CCDC124: variants seen among roughly 807,000 people sequenced by gnomAD.
CCDC124 encodes coiled-coil domain-containing protein 124.
Under a neutral mutation model 19.8 loss-of-function variants are expected in CCDC124, and 9 were observed. That is an observed-to-expected ratio of 0.45 (90% CI 0.27 to 0.79). The LOEUF (loss-of-function observed/expected upper bound fraction) is 0.79, where lower values mean the gene tolerates loss of function less well. CCDC124 is among the 30% of genes least tolerant of loss of function. CCDC124 has a pLI of 0.14. For missense variants in CCDC124, 285 were observed against 319.0 expected (o/e 0.89, Z 0.81); for synonymous variants, 126 against 131.3 (o/e 0.96, Z 0.27).
In CCDC124 at chr19:17,943,812, CG is replaced by C; in HGVS notation, c.*102del. Reference sequence around the variant, plus strand: ...CAGCTGCGAGGGTCACAGAGCGTTCCGGGGGCCAAGGCGCCGGGCCCCGGGG... The same window carrying C: ...CAGCTGCGAGGGTCACAGAGCGTTCCGGGGCCAAGGCGCCGGGCCCCGGGG... On this transcript the variant is annotated 3_prime_UTR_variant, in exon 5 of 5. Transcript: ENST00000445755. The C allele has an allele frequency of 8.4e-7, 1 of 1,186,182 alleles. No individual in the cohort carries two copies. 73.5% of individuals were successfully genotyped at this position (1,186,182 alleles called of 1,614,324 possible). A position where few individuals can be genotyped will look rare whatever the true frequency, so the allele number is the denominator to read the frequency against.
At chr19:17,939,436 CAGAATCCAGAG>C (rs936678985) in intron 2 of CCDC124, among the ~76,000 whole-genome samples, 17 of 152,178 alleles carry the variant, frequency 1.1e-4, no homozygotes, top group African/African-American at 3.6e-4. Flanking sequence ...AGTATCCAGA[CAGAATCCAGAG>C]ACCTTTCCGC....
At position 17,943,241 on chromosome 19, in the gene CCDC124, T is replaced by TCGGGGGGGGGGGCCCCC; in HGVS notation, c.350-19_350-18insGGGGGGGGGGGCCCCCC. On this transcript the variant is annotated intron_variant, in intron 3 of 4. Coordinates refer to ENST00000445755, the MANE Select transcript of CCDC124 (RefSeq NM_001136203.2). ...CTTTGCTTATCTCTCTCTGTCTCTG[T>TCGGGGGGGGGGGCCCCC]CACCCACCCACCCGCCCAGCCGAGA... 2.7e-6 allele frequency: 2 copies of TCGGGGGGGGGGGCCCCC among 736,678 alleles called. No homozygotes were observed. The highest frequency in any genetic ancestry group is 4.8e-6 in the Non-Finnish European group (2 of 414,970). The allele number at this position is 736,678 out of a possible 1,614,324, so 45.6% of individuals were successfully genotyped here.
Position 17,943,772 on chromosome 19 carries a change from G to A in CCDC124, c.*57G>A. ...GGTGGTCCAGGTCACGACTCTGCAC[G>A]CCCTTAGGCCAGGTCAGCTGCGAGG... On this transcript the variant is annotated 3_prime_UTR_variant, in exon 5 of 5. Coordinates refer to ENST00000445755, the MANE Select transcript of CCDC124 (RefSeq NM_001136203.2). 1.3e-6 allele frequency: 2 copies of A among 1,532,170 alleles called. No individual in the cohort carries two copies. The highest frequency in any genetic ancestry group is 1.8e-6 in the Non-Finnish European group (2 of 1,118,146). The allele number at this position is 1,532,170 out of a possible 1,614,324, so 94.9% of individuals were successfully genotyped here. A position where few individuals can be genotyped will look rare whatever the true frequency, so the allele number is the denominator to read the frequency against.
intron 2 of CCDC124, among the ~76,000 whole-genome samples, chr19:17,938,058 C>T (rs1343120501): frequency 1.3e-5 from 2 of 152,036 alleles, no homozygotes; most frequent in Non-Finnish European, 2.9e-5. Flanking sequence ...TAAAAGCCGT[C>T]GTTTGGCGTG....
intron 2 of CCDC124, among the ~76,000 whole-genome samples, chr19:17,940,412 G>A (rs1203327017): frequency 6.6e-6 from 1 of 152,126 alleles, no homozygotes; most frequent in East Asian, 1.9e-4. Context: ...CCCTATCATT[G>A]AGCATGAAGG....
rs35511785 is a variant in CCDC124 at position 17,940,118 on chromosome 19, G to A, written c.160-2538G>A. On this transcript the variant is annotated intron_variant, in intron 2 of 4. Coordinates refer to ENST00000445755, the MANE Select transcript of CCDC124 (RefSeq NM_001136203.2). ...AGTAGAGATGGGGTTTCACCATGTTGGCCAGGCTGGTCTCCAACTCCTTAC... is the reference window on the plus strand; with the variant it reads ...AGTAGAGATGGGGTTTCACCATGTTAGCCAGGCTGGTCTCCAACTCCTTAC... Among the ~76,000 whole-genome samples, 455 of 150,992 alleles carry A rather than the reference G, an allele frequency of 3.0e-3. 1 individual carries two copies. Among genetic ancestry groups the A allele is most frequent in the Non-Finnish European group, 4.1e-3 (278 of 67,814 alleles).
At chr19:17,936,603 G>A (rs1003796375) in intron 2 of CCDC124, 24 bp downstream of exon 2, 17 of 1,601,018 alleles carry the variant, frequency 1.1e-5, no homozygotes, top group Non-Finnish European at 1.4e-5. Flanking sequence ...GAGTCCCCGC[G>A]GCCCGCATGC....
Position 17,943,850 on chromosome 19 carries a change from T to C in CCDC124, c.*135T>C, listed in dbSNP as rs1399225247. The C allele has an allele frequency of 2.4e-6, 2 of 823,410 alleles. No individual in the cohort carries two copies. The highest frequency in any genetic ancestry group is 2.7e-5 in the East Asian group (1 of 37,232). The allele number at this position is 823,410 out of a possible 1,614,324, so 51.0% of individuals were successfully genotyped here. ...GCCGGGCCCCGGGGCCATGCTCTTA[T>C]CACCAGCCACCCGTCCTCCCGCCAG... On this transcript the variant is annotated 3_prime_UTR_variant, in exon 5 of 5. Coordinates refer to ENST00000445755, the MANE Select transcript of CCDC124 (RefSeq NM_001136203.2).
Position 17,942,659 on chromosome 19 carries a change from GAGA to G in CCDC124, c.166_168del (p.Lys56del), listed in dbSNP as rs774788725. ...ACCATGCACGCCGCCCCCGCAGGAG[GAGA>G]AGGAGAAGCGGCGCCTCGACCAGCT... On this transcript the variant is annotated inframe_deletion, in exon 3 of 5. Coordinates refer to ENST00000445755, the MANE Select transcript of CCDC124 (RefSeq NM_001136203.2). The surrounding 1 kb of genome is among the most constrained non-coding windows in gnomAD (Gnocchi z 4.2). 1.4e-5 allele frequency: 22 copies of G among 1,554,792 alleles called. No individual in the cohort carries two copies. The highest frequency in any genetic ancestry group is 4.7e-5 in the South Asian group (4 of 84,398).
In CCDC124 at chr19:17,943,728, G is replaced by A. The variant is rs2031246957; in HGVS notation, c.*13G>A. The A allele has an allele frequency of 6.2e-7, 1 of 1,610,530 alleles. No individual in the cohort carries two copies. Among genetic ancestry groups the A allele is most frequent in the African/African-American group, 1.3e-5 (1 of 74,898 alleles). ...TGCCCCCAAGTGAGCCCAGAACTTGGGGAGCCAGTTCACCCACGGGTGGTC... is the reference window on the plus strand; with the variant it reads ...TGCCCCCAAGTGAGCCCAGAACTTGAGGAGCCAGTTCACCCACGGGTGGTC... On this transcript the variant is annotated 3_prime_UTR_variant, in exon 5 of 5. Transcript: ENST00000445755.
At position 17,942,797 on chromosome 19, in the gene CCDC124, G is replaced by A; in HGVS notation, c.301G>A (p.Glu101Lys). The A allele has an allele frequency of 6.5e-7, 1 of 1,543,670 alleles. No individual in the cohort carries two copies. The highest frequency in any genetic ancestry group is 8.7e-7 in the Non-Finnish European group (1 of 1,144,770). ...CAGCAAGGTCACCCGGGCCCAGATC[G>A]AGGACACGCTGCGCCGAGACCATCA... ...TSSKVTRAQI[E>K]DTLRRDHQLR... is the part of the protein sequence containing the mutation. The change falls in exon 3 of 5, where the codon GAG becomes AAG. Residue 101 changes from glutamate to lysine, a missense_variant. Transcript: ENST00000445755. This position sits in a 1 kb window ranked among gnomAD's most constrained non-coding sequence, Gnocchi z 4.2.
chr19:17,942,615 G>A lies in CCDC124; in HGVS notation c.160-41G>A. 1.3e-6 allele frequency: 2 copies of A among 1,546,288 alleles called. No individual in the cohort carries two copies. Among genetic ancestry groups the A allele is most frequent in the Non-Finnish European group, 1.7e-6 (2 of 1,144,924 alleles). On this transcript the variant is annotated intron_variant, in intron 2 of 4. Coordinates refer to ENST00000445755, the MANE Select transcript of CCDC124 (RefSeq NM_001136203.2). The surrounding 1 kb of genome is among the most constrained non-coding windows in gnomAD (Gnocchi z 4.2). ...CCCCAGGCTAGTGGGTGGCGCGGGGGTGTGGGGTCTTCTGCCTGACCATGC... is the reference window on the plus strand; with the variant it reads ...CCCCAGGCTAGTGGGTGGCGCGGGGATGTGGGGTCTTCTGCCTGACCATGC...
chr19:17,942,937 A>G lies in CCDC124; in HGVS notation c.349+92A>G, dbSNP rs546697409. 63 of 1,401,750 alleles carry G rather than the reference A, an allele frequency of 4.5e-5. No homozygotes were observed. In the African/African-American group the frequency reaches 8.7e-4, roughly 19 times the overall value. The allele number at this position is 1,401,750 out of a possible 1,614,324, so 86.8% of individuals were successfully genotyped here. On this transcript the variant is annotated intron_variant, in intron 3 of 4. Transcript: ENST00000445755. The surrounding 1 kb of genome is among the most constrained non-coding windows in gnomAD (Gnocchi z 4.2). Reference sequence around the variant, plus strand: ...TTAGCCCCCTCCTGGCCCCCAGAGAAGCTGCCGGGGCTCCACGTGGTGCAG... The same window carrying G: ...TTAGCCCCCTCCTGGCCCCCAGAGAGGCTGCCGGGGCTCCACGTGGTGCAG...
At chr19:17,943,189 C>A in intron 3 of CCDC124, 72 bp from the exon 4 acceptor site, 1 of 1,249,818 alleles carries the variant, frequency 8.0e-7, no homozygotes. Context: ...TTGCCAGTCT[C>A]TATCTCATCT....
At position 17,939,850 on chromosome 19, in the gene CCDC124, T is replaced by A. The variant is rs12978072; in HGVS notation, c.160-2806T>A. 6.8e-3 allele frequency among the ~76,000 whole-genome samples: 1,034 copies of A among 151,140 alleles called. 7 individuals carry two copies. The highest frequency in any genetic ancestry group is 0.011 in the Non-Finnish European group (774 of 67,800). On this transcript the variant is annotated intron_variant, in intron 2 of 4. Coordinates refer to ENST00000445755, the MANE Select transcript of CCDC124 (RefSeq NM_001136203.2). ...GTTGGTCAGGCTGGTCTAAAACTCC[T>A]GGCCCCAAGTGATCCTTCCACCTCG...
At chr19:17,935,424 C>T (rs1173965262) in intron 1 of CCDC124, among the ~76,000 whole-genome samples, 1 of 151,324 alleles carries the variant, frequency 6.6e-6, no homozygotes, top group South Asian at 2.1e-4. Flanking sequence ...GAATTGTACA[C>T]CTTTTTTTTT....
At chr19:17,939,042 C>A (rs1270937661) in intron 2 of CCDC124, among the ~76,000 whole-genome samples, 2 of 151,388 alleles carry the variant, frequency 1.3e-5, no homozygotes, top group Admixed American at 1.3e-4. Context: ...GGGGGATCAT[C>A]AAAATTTTGA....
At position 17,943,256 on chromosome 19, in the gene CCDC124, C is replaced by T; in HGVS notation, c.350-5C>T. On this transcript the variant is annotated splice_region_variant and splice_polypyrimidine_tract_variant and intron_variant, in intron 3 of 4. Coordinates refer to ENST00000445755, the MANE Select transcript of CCDC124 (RefSeq NM_001136203.2). ...TCTGTCTCTGTCACCCACCCACCCG[C>T]CCAGCCGAGAAAGCCAAGAGCCATC... 2 of 1,494,784 alleles carry T rather than the reference C, an allele frequency of 1.3e-6. No homozygotes were observed. The highest frequency in any genetic ancestry group is 1.8e-6 in the Non-Finnish European group (2 of 1,105,526). The allele number at this position is 1,494,784 out of a possible 1,614,324, so 92.6% of individuals were successfully genotyped here.
intron 3 of CCDC124, 33 bp from the exon 4 acceptor site, chr19:17,943,228 C>T (rs994267868): frequency 9.9e-7 from 1 of 1,013,204 alleles, no homozygotes; most frequent in Middle Eastern, 3.0e-4. Context: ...TTGCTTATCT[C>T]TCTCTGTCTC....
Sources: allele counts gnomAD v4.1 joint callset (sites outside exome capture counted in the v4.1 genomes callset), GRCh38; gene constraint gnomAD v4.1.1; non-coding constraint Gnocchi (gnomAD v3.1); transcripts MANE v1.5; gene names NCBI Gene and HGNC (gene_info 2026-07-23, HGNC 2026-07-21).